Variants in PPARGC1A observed in about 807,000 individuals in gnomAD.
PPARGC1A encodes the protein peroxisome proliferator-activated receptor gamma coactivator 1-alpha.
A neutral mutation model predicts 88.7 loss-of-function variants in PPARGC1A; 25 were observed. That is an observed-to-expected ratio of 0.28 (90% CI 0.21 to 0.39). The LOEUF (loss-of-function observed/expected upper bound fraction) is 0.39, where lower values mean the gene tolerates loss of function less well. PPARGC1A is among the 10% of genes least tolerant of loss of function. The pLI is 1.00. For missense variants in PPARGC1A, 880 were observed against 968.7 expected (o/e 0.91, Z 1.22); for synonymous variants, 363 against 355.6 (o/e 1.02, Z -0.24).
the PPARGC1A span, among the ~76,000 whole-genome samples, chr4:23,941,052 T>C: frequency 6.6e-6 from 1 of 152,128 alleles, no homozygotes. Context: ...CTTAATTTTA[T>C]TATTATTATA....
chr4:23,853,409 T>C (rs1372627607), intron 2 of PPARGC1A, among the ~76,000 whole-genome samples: 1 of 151,940 alleles, frequency 6.6e-6, no homozygotes, highest in Non-Finnish European at 1.5e-5. Flanking sequence ...AAATAAAGAC[T>C]TCCTAAGTTA....
chr4:24,236,937 G>C, the PPARGC1A span, among the ~76,000 whole-genome samples: 1 of 152,178 alleles, frequency 6.6e-6, no homozygotes, highest in African/African-American at 2.4e-5. Context: ...CATGCGCACT[G>C]AAAACAGTCT....
the PPARGC1A span, among the ~76,000 whole-genome samples, chr4:24,288,152 G>A: frequency 6.6e-6 from 1 of 152,080 alleles, no homozygotes; most frequent in Non-Finnish European, 1.5e-5. Flanking sequence ...TTATATCCCA[G>A]ACCTGAATTA....
the PPARGC1A span, among the ~76,000 whole-genome samples, chr4:24,004,970 T>G: frequency 6.6e-6 from 1 of 152,268 alleles, no homozygotes; most frequent in South Asian, 2.1e-4. Flanking sequence ...CTAACTTACC[T>G]CATCCCTTTT....
At chr4:23,818,016 C>G (rs998351716) in intron 7 of PPARGC1A, among the ~76,000 whole-genome samples, 2 of 152,154 alleles carry the variant, frequency 1.3e-5, no homozygotes, top group Non-Finnish European at 2.9e-5. Flanking sequence ...AACTTTCCCC[C>G]CTGAAGTAAG....
At chr4:24,273,497 C>T in the PPARGC1A span, among the ~76,000 whole-genome samples, 1 of 152,082 alleles carries the variant, frequency 6.6e-6, no homozygotes, top group Admixed American at 6.5e-5. Context: ...TTATTAGAGA[C>T]ACTGTATCAT....
the PPARGC1A span, among the ~76,000 whole-genome samples, chr4:24,260,953 C>T: frequency 6.6e-6 from 1 of 152,102 alleles, no homozygotes; most frequent in Non-Finnish European, 1.5e-5. Context: ...GACGCTTCCC[C>T]AATAAGTTTT....
At chr4:23,893,224 C>T (rs181050641), upstream of PPARGC1A, among the ~76,000 whole-genome samples, 9 of 151,992 alleles carry the variant, frequency 5.9e-5, no homozygotes, top group Admixed American at 2.6e-4. Flanking sequence ...CTAACAAATA[C>T]GTTGACTGAA....
chr4:24,121,702 G>A, the PPARGC1A span, among the ~76,000 whole-genome samples: 1 of 152,282 alleles, frequency 6.6e-6, no homozygotes, highest in South Asian at 2.1e-4. Context: ...GCAGCCTTAC[G>A]TGGGAGGGGA....
the PPARGC1A span, among the ~76,000 whole-genome samples, chr4:23,928,647 C>A: frequency 6.6e-6 from 1 of 151,024 alleles, no homozygotes; most frequent in Non-Finnish European, 1.5e-5. Context: ...GATGCATGAA[C>A]ACATATGTTC....
At chr4:24,204,365 A>T in the PPARGC1A span, among the ~76,000 whole-genome samples, 1 of 152,176 alleles carries the variant, frequency 6.6e-6, no homozygotes, top group Non-Finnish European at 1.5e-5. Flanking sequence ...AAACCTTTGT[A>T]TTCGTCACCA....
the PPARGC1A span, among the ~76,000 whole-genome samples, chr4:24,263,367 T>C: frequency 6.6e-6 from 1 of 152,070 alleles, no homozygotes; most frequent in Non-Finnish European, 1.5e-5. Flanking sequence ...CCATTTCACA[T>C]CAATAAATAT....
the PPARGC1A span, among the ~76,000 whole-genome samples, chr4:24,035,774 T>C: frequency 6.6e-6 from 1 of 152,168 alleles, no homozygotes; most frequent in Non-Finnish European, 1.5e-5. Flanking sequence ...GGCGTTTATA[T>C]AGATGCAATA....
At chr4:23,914,449 C>G in the PPARGC1A span, among the ~76,000 whole-genome samples, 1 of 152,082 alleles carries the variant, frequency 6.6e-6, no homozygotes, top group African/African-American at 2.4e-5. Flanking sequence ...CAGACAGATC[C>G]ACAATCACTA....
upstream of PPARGC1A, among the ~76,000 whole-genome samples, chr4:23,906,607 CAAAAAAAAA>C: frequency 1.6e-5 from 1 of 63,738 alleles, no homozygotes; most frequent in South Asian, 6.0e-4. Context: ...CTCTGTCTCA[CAAAAAAAAA>C]AAAAAAAAAA....
At chr4:23,975,342 C>T in the PPARGC1A span, among the ~76,000 whole-genome samples, 1 of 152,008 alleles carries the variant, frequency 6.6e-6, no homozygotes, top group African/African-American at 2.4e-5. Context: ...GACTTGGGAC[C>T]TTCTTTTTGA....
Position 23,793,136 on chromosome 4 carries a change from A to T in PPARGC1A, c.*2686T>A, listed in dbSNP as rs1332305690. 1 of 152,588 alleles carries T rather than the reference A, an allele frequency of 6.6e-6. No individual in the cohort carries two copies. The highest frequency in any genetic ancestry group is 1.5e-5 in the Non-Finnish European group (1 of 68,020). 9.5% of individuals were successfully genotyped at this position (152,588 alleles called of 1,614,324 possible). On this transcript the variant is annotated 3_prime_UTR_variant, in exon 13 of 13. Transcript: ENST00000264867. ...CTTGAACACATAATAGGATTTACTA[A>T]ATCTCGATTTCTTAAAAATAATTTA...
Position 23,814,401 on chromosome 4 carries a change from G to T in PPARGC1A, c.1082C>A (p.Ser361Tyr). 1 of 1,613,864 alleles carries T rather than the reference G, an allele frequency of 6.2e-7. No individual in the cohort carries two copies. The highest frequency in any genetic ancestry group is 2.2e-5 in the East Asian group (1 of 44,840). ...QSELYAQLSKSSVLTGGHEER... is the reference protein window; with the variant it reads ...QSELYAQLSKYSVLTGGHEER... ...CTCGTGTCCACCAGTGAGGACTGAG[G>T]ACTTGCTGAGTTGTGCATACAACTC... Residue 361 changes from serine (S) to tyrosine (Y), a missense_variant, in exon 8 of 13, where the codon TCC becomes TAC. Coordinates refer to ENST00000264867, the MANE Select transcript of PPARGC1A (RefSeq NM_013261.5).
the PPARGC1A span, among the ~76,000 whole-genome samples, chr4:23,931,143 G>T: frequency 6.6e-6 from 1 of 152,174 alleles, no homozygotes; most frequent in African/African-American, 2.4e-5. Flanking sequence ...TGTGGTGGCC[G>T]CTGCCTTTCT....
Sources: gnomAD v4.1 joint callset for allele counts (sites outside exome capture counted in the v4.1 genomes callset) on GRCh38, gnomAD v4.1.1 for gene constraint, MANE v1.5 for transcripts, NCBI Gene and HGNC (gene_info 2026-07-23, HGNC 2026-07-21) for gene names.